The following ARHGAP24 variants were observed in gnomAD, a reference collection of about 807,000 sequenced individuals.
ARHGAP24 encodes the protein rho GTPase-activating protein 24.
A neutral mutation model predicts 76.4 loss-of-function variants in ARHGAP24; 50 were observed. The observed-to-expected ratio is 0.65, with a 90% CI of 0.52 to 0.83. The LOEUF is 0.83. ARHGAP24 is among the 40% of genes least tolerant of loss of function. The pLI, the probability that ARHGAP24 is intolerant of heterozygous loss-of-function variation, is 0.00. For synonymous variants in ARHGAP24, 345 were observed against 323.3 expected (o/e 1.07, Z -0.72); for missense variants, 930 against 914.2 (o/e 1.02, Z -0.22).
At position 85,693,728 on chromosome 4, in the gene ARHGAP24, C is replaced by T. The variant is rs549811786; in HGVS notation, c.181-28157C>T. 5.9e-5 allele frequency among the ~76,000 whole-genome samples: 9 copies of T among 152,322 alleles called. No individual in the cohort carries two copies. The East Asian group carries it at 1.5e-3, about 26-fold the overall frequency. ...TGGGAGAGGCTGGCGAGCAGGAGGG[C>T]CTGCAGAACAGGGAAGCTGGCCCCA... On this transcript the variant is annotated intron_variant, in intron 2 of 9. Coordinates refer to ENST00000395184, the MANE Select transcript of ARHGAP24 (RefSeq NM_001025616.3).
At chr4:85,767,652 T>C (rs573575517) in intron 3 of ARHGAP24, among the ~76,000 whole-genome samples, 745 of 13,000 alleles carry the variant, frequency 0.057, 7 homozygotes, top group African/African-American at 0.098. Context: ...AAGGGGCAAA[T>C]TATTAAAGAA....
At chr4:85,532,228 AT>A (rs1405076164) in intron 1 of ARHGAP24, among the ~76,000 whole-genome samples, 1 of 152,026 alleles carries the variant, frequency 6.6e-6, no homozygotes, top group African/African-American at 2.4e-5. Flanking sequence ...TCTCTTTGTG[AT>A]TGATAGTGTT....
intron 3 of ARHGAP24, among the ~76,000 whole-genome samples, chr4:85,737,521 A>G (rs151248277): frequency 2.0e-5 from 3 of 152,344 alleles, no homozygotes; most frequent in Non-Finnish European, 2.9e-5. Flanking sequence ...AGCCAAGCAC[A>G]ATGGCTCAGT....
chr4:85,693,386 G>A (rs1723743543), intron 2 of ARHGAP24, among the ~76,000 whole-genome samples: 1 of 152,162 alleles, frequency 6.6e-6, no homozygotes, highest in African/African-American at 2.4e-5. Flanking sequence ...CCGTGAAGGA[G>A]TCATGACTCA....
chr4:85,896,328 T>G (rs1734177593), intron 3 of ARHGAP24, among the ~76,000 whole-genome samples: 1 of 152,238 alleles, frequency 6.6e-6, no homozygotes, highest in African/African-American at 2.4e-5. Flanking sequence ...CTTAAAAGAT[T>G]TCTCTTCTTC....
At chr4:85,479,896 G>T (rs1168424526) in intron 1 of ARHGAP24, among the ~76,000 whole-genome samples, 1 of 152,114 alleles carries the variant, frequency 6.6e-6, no homozygotes, top group Non-Finnish European at 1.5e-5. Flanking sequence ...GAATTCATAC[G>T]TGTGGTTCAG....
At chr4:85,586,283 G>A (rs1323053418) in intron 2 of ARHGAP24, among the ~76,000 whole-genome samples, 1 of 151,778 alleles carries the variant, frequency 6.6e-6, no homozygotes, top group South Asian at 2.1e-4. Flanking sequence ...CATACACTTA[G>A]CATGCATAGG....
intron 1 of ARHGAP24, among the ~76,000 whole-genome samples, chr4:85,512,557 A>G (rs537187627): frequency 4.6e-5 from 7 of 152,272 alleles, no homozygotes; most frequent in African/African-American, 1.4e-4. Context: ...TATCAGCTGT[A>G]TGCCAAGAAA....
chr4:85,774,151 C>T (rs1297916900), intron 3 of ARHGAP24, among the ~76,000 whole-genome samples: 1 of 152,094 alleles, frequency 6.6e-6, no homozygotes, highest in African/African-American at 2.4e-5. Context: ...CTGATGTGGC[C>T]GTACTTGAAG....
chr4:85,656,860 G>A (rs1170735318), intron 2 of ARHGAP24, among the ~76,000 whole-genome samples: 4 of 152,070 alleles, frequency 2.6e-5, no homozygotes, highest in Admixed American at 6.6e-5. Context: ...TATCATATGG[G>A]TCACACTGTA....
Position 85,977,551 on chromosome 4 carries a change from A to G in ARHGAP24, c.807-19A>G, listed in dbSNP as rs766369138. ...AATTTGATCCCATTGTATTTCAATC[A>G]TATGCTTATACTCCATAGATTCTTG... On this transcript the variant is annotated intron_variant, in intron 7 of 9. Transcript: ENST00000395184. The G allele has an allele frequency of 1.4e-5, 22 of 1,611,710 alleles. No individual in the cohort carries two copies. The highest frequency in any genetic ancestry group is 6.7e-5 in the Admixed American group (4 of 59,922).
At chr4:85,893,523 G>T (rs1459768311) in intron 3 of ARHGAP24, among the ~76,000 whole-genome samples, 1 of 78,784 alleles carries the variant, frequency 1.3e-5, no homozygotes, top group Non-Finnish European at 2.6e-5. Context: ...CATGTTTAGC[G>T]CTTCCTTCAG....
At chr4:85,895,775 G>A (rs1032861364) in intron 3 of ARHGAP24, among the ~76,000 whole-genome samples, 1 of 152,078 alleles carries the variant, frequency 6.6e-6, no homozygotes, top group Non-Finnish European at 1.5e-5. Flanking sequence ...GCAGACTATG[G>A]AGCAAAAAGC....
intron 3 of ARHGAP24, among the ~76,000 whole-genome samples, chr4:85,783,956 G>GAAAC (rs571996335): frequency 1.6e-3 from 250 of 152,184 alleles, no homozygotes; most frequent in Middle Eastern, 6.8e-3. Flanking sequence ...TCTTCTACAT[G>GAAAC]AAACAAACAA....
intron 2 of ARHGAP24, among the ~76,000 whole-genome samples, chr4:85,605,296 T>C (rs184978061): frequency 3.3e-5 from 5 of 152,328 alleles, no homozygotes; most frequent in Non-Finnish European, 5.9e-5. Context: ...TAGGGAAATA[T>C]ATATATAGTT....
chr4:85,783,104 A>G (rs1397039459), intron 3 of ARHGAP24, among the ~76,000 whole-genome samples: 3 of 152,150 alleles, frequency 2.0e-5, no homozygotes, highest in Non-Finnish European at 4.4e-5. Context: ...CCAGAAGAAA[A>G]AGCATCGGGT....
At chr4:85,594,834 A>G (rs1234878881) in intron 2 of ARHGAP24, among the ~76,000 whole-genome samples, 2 of 152,086 alleles carry the variant, frequency 1.3e-5, no homozygotes, top group Non-Finnish European at 1.5e-5. Flanking sequence ...AATTTATCTA[A>G]CTACGTATGA....
chr4:85,656,368 A>G (rs1300512089), intron 2 of ARHGAP24, among the ~76,000 whole-genome samples: 1 of 152,132 alleles, frequency 6.6e-6, no homozygotes, highest in Non-Finnish European at 1.5e-5. Context: ...ATTTTGACAC[A>G]TGTAAGAGCA....
intron 2 of ARHGAP24, among the ~76,000 whole-genome samples, chr4:85,718,745 T>C (rs1724821697): frequency 6.6e-6 from 1 of 152,208 alleles, no homozygotes; most frequent in African/African-American, 2.4e-5. Flanking sequence ...TTGAAAAACT[T>C]GTCAAAATAT....
Sources: gnomAD v4.1 joint callset for allele counts (sites outside exome capture counted in the v4.1 genomes callset) on GRCh38, gnomAD v4.1.1 for gene constraint, MANE v1.5 for transcripts, NCBI Gene and HGNC (gene_info 2026-07-23, HGNC 2026-07-21) for gene names.